Variants in ZFHX3 observed in about 807,000 individuals in gnomAD.
The protein encoded by ZFHX3 is zinc finger homeobox 3, also known as zinc finger homeobox protein 3.
A neutral mutation model predicts 279.1 loss-of-function variants in ZFHX3; 42 were observed. That is an observed-to-expected ratio of 0.15 (90% CI 0.12 to 0.19). The LOEUF (loss-of-function observed/expected upper bound fraction) is 0.19. ZFHX3 is among the 10% of genes least tolerant of loss of function. The probability of loss-of-function intolerance (pLI) is 1.00; values close to 1 mark genes in which losing one functional copy is unlikely to be tolerated. For missense variants in ZFHX3, 4,981 were observed against 4,754.0 expected, an observed-to-expected ratio of 1.05 and a Z score of -1.40; for synonymous variants, 2,293 against 1,957.8, an observed-to-expected ratio of 1.17 and a Z score of -4.52.
At chr16:73,056,137 G>T (rs1394026244) in intron 1 of ZFHX3, among the ~76,000 whole-genome samples, 4 of 152,002 alleles carry the variant, frequency 2.6e-5, no homozygotes, top group Non-Finnish European at 4.4e-5. Flanking sequence ...TTCCCAAACC[G>T]CAGTCTTTTC....
rs74028086 is a variant in ZFHX3, at chr16:73,199,379, T to C, written c.-1103-55548A>G. On this transcript the variant is annotated intron_variant, in intron 5 of 17. Transcript: ENST00000641206. ...TCTAAAATGAAACGGTAGCACCAAG[T>C]CCATGGCCCATGAAAGTGACTCTGC... Among the ~76,000 whole-genome samples the C allele has an allele frequency of 6.3e-3, 952 of 152,294 alleles. 10 individuals carry two copies. Among genetic ancestry groups the C allele is most frequent in the African/African-American group, 0.022 (915 of 41,564 alleles).
intron 3 of ZFHX3, among the ~76,000 whole-genome samples, chr16:73,377,675 GT>G (rs1187657605): frequency 1.5e-5 from 2 of 134,444 alleles, no homozygotes; most frequent in African/African-American, 5.5e-5. Flanking sequence ...TAACATTTAA[GT>G]GACTCCTTTG....
chr16:73,291,445 G>T (rs957347518), intron 4 of ZFHX3, among the ~76,000 whole-genome samples: 2 of 152,236 alleles, frequency 1.3e-5, no homozygotes, highest in Non-Finnish European at 2.9e-5. Context: ...TTATACGCCA[G>T]TCCTCCAGAG....
intron 3 of ZFHX3, among the ~76,000 whole-genome samples, chr16:73,451,344 C>G (rs2018279306): frequency 6.6e-6 from 1 of 152,194 alleles, no homozygotes; most frequent in African/African-American, 2.4e-5. Flanking sequence ...CGATGCAATT[C>G]CTTTAGACTA....
At position 73,823,338 on chromosome 16, in the gene ZFHX3, G is replaced by C. The variant is rs770628799; in HGVS notation, c.-1608+68313C>G. On this transcript the variant is annotated intron_variant, in intron 1 of 17. Transcript: ENST00000641206. ...GAGGGAAAAAAGAAAAGCCTGATTA[G>C]AGAGACAAGATAGAGACACAATGCA... Among the ~76,000 whole-genome samples, 360 of 152,220 alleles carry C rather than the reference G, an allele frequency of 2.4e-3. 1 individual carries two copies. Among genetic ancestry groups the C allele is most frequent in the Non-Finnish European group, 4.0e-3 (273 of 68,008 alleles).
chr16:72,801,047 C>T (rs1275187439), intron 7 of ZFHX3, among the ~76,000 whole-genome samples: 2 of 152,176 alleles, frequency 1.3e-5, no homozygotes, highest in East Asian at 1.9e-4. Flanking sequence ...AAGCAGCCCT[C>T]GATATCCAAT....
chr16:73,418,619 T>C (rs2017647478), intron 3 of ZFHX3, among the ~76,000 whole-genome samples: 1 of 152,192 alleles, frequency 6.6e-6, no homozygotes, highest in Admixed American at 6.5e-5. Context: ...CTGCCTTCCA[T>C]TATATATACA....
intron 1 of ZFHX3, among the ~76,000 whole-genome samples, chr16:72,976,244 G>C (rs937770948): frequency 2.0e-5 from 3 of 152,146 alleles, no homozygotes; most frequent in Non-Finnish European, 4.4e-5. Context: ...TTCTAATCTT[G>C]GACAGCGCCA....
chr16:73,623,944 A>G (rs2052392515), intron 2 of ZFHX3, among the ~76,000 whole-genome samples: 1 of 152,206 alleles, frequency 6.6e-6, no homozygotes, highest in South Asian at 2.1e-4. Context: ...TGAGTTATAG[A>G]ATCTAATCTT....
In ZFHX3 at chr16:73,288,688, G is replaced by C. The variant is rs957087244; in HGVS notation, c.-1194+29552C>G. On this transcript the variant is annotated intron_variant, in intron 4 of 17. Transcript: ENST00000641206. ...CCAGATGTCTTGGACTGCTTCGTTTGAGGCTTCTGCAGCAGCTGCTGCCGC... is the reference window on the plus strand; with the variant it reads ...CCAGATGTCTTGGACTGCTTCGTTTCAGGCTTCTGCAGCAGCTGCTGCCGC... Among the ~76,000 whole-genome samples, 5 of 151,926 alleles carry C rather than the reference G, an allele frequency of 3.3e-5. No individual in the cohort carries two copies. The South Asian group carries it at 8.3e-4, about 25-fold the overall frequency.
intron 1 of ZFHX3, among the ~76,000 whole-genome samples, chr16:73,837,072 C>A (rs550828777): frequency 6.6e-6 from 1 of 152,130 alleles, no homozygotes; most frequent in Non-Finnish European, 1.5e-5. Flanking sequence ...TAGAAATTAC[C>A]TAGTCTCTGG....
chr16:73,304,150 T>C (rs1224500593), intron 4 of ZFHX3, among the ~76,000 whole-genome samples: 1 of 152,112 alleles, frequency 6.6e-6, no homozygotes, highest in East Asian at 1.9e-4. Flanking sequence ...CAGAAGAGCC[T>C]CATTTCTGGT....
At chr16:73,078,507 A>G (rs960492714) in intron 8 of ZFHX3, among the ~76,000 whole-genome samples, 3 of 152,086 alleles carry the variant, frequency 2.0e-5, no homozygotes, top group Non-Finnish European at 2.9e-5. Context: ...GTATTTACCA[A>G]TCTCGTGAGC....
chr16:73,851,555 T>G (rs1445770950), intron 1 of ZFHX3, among the ~76,000 whole-genome samples: 2 of 152,240 alleles, frequency 1.3e-5, no homozygotes, highest in African/African-American at 4.8e-5. Flanking sequence ...GGACATTAAG[T>G]AAACTCACGT....
At chr16:73,076,752 G>T (rs1237032084) in intron 8 of ZFHX3, among the ~76,000 whole-genome samples, 1 of 152,174 alleles carries the variant, frequency 6.6e-6, no homozygotes, top group Non-Finnish European at 1.5e-5. Context: ...TTTGGTGACA[G>T]AGAAGCCTGA....
chr16:73,676,637 C>T (rs1268316642), intron 2 of ZFHX3, among the ~76,000 whole-genome samples: 5 of 151,778 alleles, frequency 3.3e-5, no homozygotes, highest in Admixed American at 2.6e-4. Flanking sequence ...TAACAATGTA[C>T]GTAAATGGCT....
At chr16:72,810,749 C>G (rs967491493) in intron 7 of ZFHX3, among the ~76,000 whole-genome samples, 2 of 152,200 alleles carry the variant, frequency 1.3e-5, no homozygotes, top group African/African-American at 4.8e-5. Context: ...CACTGAGAAA[C>G]TCCCTACCCT....
intron 1 of ZFHX3, among the ~76,000 whole-genome samples, chr16:73,744,199 G>A (rs1474749636): frequency 2.0e-5 from 3 of 152,208 alleles, no homozygotes; most frequent in Admixed American, 6.5e-5. Flanking sequence ...CTCTCGTGAC[G>A]TACAAAAGTA....
chr16:73,749,140 T>A (rs925927731), intron 1 of ZFHX3, among the ~76,000 whole-genome samples: 1 of 152,088 alleles, frequency 6.6e-6, no homozygotes, highest in Non-Finnish European at 1.5e-5. Flanking sequence ...ATACACTAGA[T>A]CCCGCCATAT....
Sources: allele counts gnomAD v4.1 joint callset (sites outside exome capture counted in the v4.1 genomes callset), GRCh38; gene constraint gnomAD v4.1.1; transcripts MANE v1.5; gene names NCBI Gene and HGNC (gene_info 2026-07-23, HGNC 2026-07-21).